RBMS3: variants seen among roughly 807,000 people sequenced by gnomAD.
RBMS3 encodes RNA-binding motif, single-stranded-interacting protein 3.
Under a neutral mutation model 66.8 loss-of-function variants are expected in RBMS3, and 27 were observed. The observed-to-expected ratio is 0.40, with a 90% CI of 0.30 to 0.56. RBMS3 has a LOEUF of 0.56. Among genes scored for constraint, RBMS3 ranks in the 20% least tolerant of loss-of-function variants. RBMS3 has a pLI of 0.40. For synonymous variants in RBMS3, 188 were observed against 183.0 expected (o/e 1.03, Z -0.22); for missense variants, 513 against 549.5 (o/e 0.93, Z 0.66).
At chr3:29,469,309 T>C (rs1052598700) in intron 2 of RBMS3, among the ~76,000 whole-genome samples, 4 of 152,060 alleles carry the variant, frequency 2.6e-5, no homozygotes, top group African/African-American at 9.7e-5. Context: ...CTTTGGGAAA[T>C]GTGTTCTGCA....
chr3:29,471,606 A>G (rs1027603473), intron 2 of RBMS3, among the ~76,000 whole-genome samples: 4 of 152,134 alleles, frequency 2.6e-5, no homozygotes, highest in African/African-American at 4.8e-5. Flanking sequence ...CCTACCTGGT[A>G]ATAGAATCAG....
intron 14 of RBMS3, among the ~76,000 whole-genome samples, chr3:29,993,915 T>TC (rs1699043766): frequency 6.6e-6 from 1 of 152,160 alleles, no homozygotes; most frequent in South Asian, 2.1e-4. Flanking sequence ...AATCTCTGTA[T>TC]CGGGGGGAGG....
chr3:29,614,590 A>G (rs565759051), intron 4 of RBMS3: 1 of 152,314 alleles, frequency 6.6e-6, no homozygotes, highest in East Asian at 1.9e-4. Context: ...AGTTGATACA[A>G]TAAATCAATG....
chr3:29,500,041 G>A (rs2043906398), intron 3 of RBMS3, among the ~76,000 whole-genome samples: 1 of 150,496 alleles, frequency 6.6e-6, no homozygotes. Context: ...AAAAACTGTA[G>A]CTTTTAATCA....
chr3:29,501,998 G>A (rs564217182), intron 3 of RBMS3, among the ~76,000 whole-genome samples: 3 of 152,120 alleles, frequency 2.0e-5, no homozygotes, highest in African/African-American at 7.2e-5. Context: ...GAGTCTAGAA[G>A]TCTCTTAGAA....
intron 10 of RBMS3, among the ~76,000 whole-genome samples, chr3:29,900,514 A>G (rs990055194): frequency 6.6e-6 from 1 of 151,714 alleles, no homozygotes; most frequent in African/African-American, 2.4e-5. Context: ...ATCTTTGCCT[A>G]AGTCTTCCAG....
intron 10 of RBMS3, among the ~76,000 whole-genome samples, chr3:29,931,069 G>C (rs1206438912): frequency 1.3e-5 from 2 of 151,946 alleles, no homozygotes; most frequent in Non-Finnish European, 2.9e-5. Flanking sequence ...AGACAGTGGT[G>C]AACAAAACAA....
chr3:29,495,582 A>AT (rs962471754), intron 3 of RBMS3, among the ~76,000 whole-genome samples: 310 of 149,812 alleles, frequency 2.1e-3, no homozygotes, highest in African/African-American at 7.2e-3. Flanking sequence ...TGCCCCATTA[A>AT]TTTTTTTTTG....
rs1296939928 is a variant in RBMS3 at position 29,449,731 on chromosome 3, T to C, written c.248+14816T>C. On this transcript the variant is annotated intron_variant, in intron 2 of 14. Transcript: ENST00000383767. ...GTTCGTTTTAACGCTAAAAGAGCCA[T>C]CATTTTAGTGTCATGGTTGAAAGTT... 2.6e-5 allele frequency among the ~76,000 whole-genome samples: 4 copies of C among 152,380 alleles called. No homozygotes were observed. The East Asian group carries it at 7.7e-4, about 29-fold the overall frequency.
chr3:29,681,754 T>C (rs923910336), intron 4 of RBMS3, among the ~76,000 whole-genome samples: 6 of 152,226 alleles, frequency 3.9e-5, no homozygotes, highest in African/African-American at 7.2e-5. Flanking sequence ...CAGTCTATCA[T>C]TGATGGGCAT....
chr3:29,443,939 C>G (rs144932191), intron 2 of RBMS3, among the ~76,000 whole-genome samples: 36 of 152,094 alleles, frequency 2.4e-4, no homozygotes, highest in Middle Eastern at 6.8e-3. Flanking sequence ...TTAGCTGGAG[C>G]GAATATGGAG....
Position 29,451,574 on chromosome 3 carries a change from T to TTG in RBMS3, c.248+16660_248+16661insGT, listed in dbSNP as rs201617287. On this transcript the variant is annotated intron_variant, in intron 2 of 14. Coordinates refer to ENST00000383767, the MANE Select transcript of RBMS3 (RefSeq NM_001003793.3). ...CCTTCTACTTATGAGGATTTTGTGG[T>TTG]TTTTGTTTTTTTCAGATATTTAAGT... 6.6e-5 allele frequency among the ~76,000 whole-genome samples: 10 copies of TTG among 151,428 alleles called. No individual in the cohort carries two copies. In the East Asian group the frequency reaches 1.6e-3, roughly 24 times the overall value.
chr3:29,299,109 A>G (rs1306333539), intron 1 of RBMS3, among the ~76,000 whole-genome samples: 1 of 151,904 alleles, frequency 6.6e-6, no homozygotes, highest in Non-Finnish European at 1.5e-5. Flanking sequence ...CCTTAAAGGG[A>G]GAAGACAGTC....
intron 1 of RBMS3, among the ~76,000 whole-genome samples, chr3:29,333,199 A>G (rs2035763005): frequency 6.6e-6 from 1 of 152,106 alleles, no homozygotes; most frequent in Admixed American, 6.6e-5. Context: ...GTTCTGGCAA[A>G]CTCTAAAACT....
chr3:29,443,804 T>C (rs1426933235), intron 2 of RBMS3, among the ~76,000 whole-genome samples: 1 of 151,980 alleles, frequency 6.6e-6, no homozygotes, highest in Non-Finnish European at 1.5e-5. Context: ...TGGAATATAT[T>C]TTGGAGATAG....
chr3:29,428,827 A>T (rs536731032), intron 1 of RBMS3, among the ~76,000 whole-genome samples: 1 of 152,374 alleles, frequency 6.6e-6, no homozygotes, highest in East Asian at 1.9e-4. Flanking sequence ...TGAAAAACTC[A>T]TAACATGCTT....
At chr3:29,323,806 T>C (rs1430307096) in intron 1 of RBMS3, among the ~76,000 whole-genome samples, 2 of 152,016 alleles carry the variant, frequency 1.3e-5, no homozygotes, top group East Asian at 1.9e-4. Context: ...CCCTTCTTAT[T>C]TCCCCCATGA....
intron 8 of RBMS3, among the ~76,000 whole-genome samples, chr3:29,887,785 G>A (rs939784008): frequency 2.6e-4 from 39 of 151,792 alleles, no homozygotes; most frequent in African/African-American, 9.2e-4. Flanking sequence ...CTGAAGTTAG[G>A]GAATGATAAC....
intron 4 of RBMS3, among the ~76,000 whole-genome samples, chr3:29,705,090 C>A (rs2052813720): frequency 6.6e-6 from 1 of 152,100 alleles, no homozygotes. Context: ...TTTGTTTCAC[C>A]AAATAAAACG....
Sources: gnomAD v4.1 joint callset for allele counts (sites outside exome capture counted in the v4.1 genomes callset) on GRCh38, gnomAD v4.1.1 for gene constraint, MANE v1.5 for transcripts, NCBI Gene and HGNC (gene_info 2026-07-23, HGNC 2026-07-21) for gene names.